Variants in MAN1A2 observed in about 807,000 individuals in gnomAD.
MAN1A2 encodes mannosyl-oligosaccharide 1,2-alpha-mannosidase IB.
A neutral mutation model predicts 75.7 loss-of-function variants in MAN1A2; 26 were observed. That is an observed-to-expected ratio of 0.34 (90% CI 0.25 to 0.48). The LOEUF is 0.48. Ranked by LOEUF, MAN1A2 falls within the 20% of genes least tolerant of loss-of-function variation. The pLI, the probability that MAN1A2 is intolerant of heterozygous loss-of-function variation, is 0.99. For missense variants in MAN1A2, 562 were observed against 775.5 expected (o/e 0.72, Z 3.27); for synonymous variants, 247 against 264.6 (o/e 0.93, Z 0.65).
chr1:117,393,815 C>T (rs1653814357), intron 1 of MAN1A2, among the ~76,000 whole-genome samples: 1 of 152,020 alleles, frequency 6.6e-6, no homozygotes, highest in African/African-American at 2.4e-5. Context: ...AGAAGATGGT[C>T]TAGAAATCTT....
intron 5 of MAN1A2, among the ~76,000 whole-genome samples, chr1:117,428,457 G>A (rs1413376010): frequency 1.3e-5 from 2 of 151,588 alleles, no homozygotes; most frequent in Non-Finnish European, 2.9e-5. Context: ...AAGGAATAGA[G>A]GACAACAACA....
rs12074856 is a variant in MAN1A2 at position 117,412,032 on chromosome 1, A to C, written c.656-2681A>C. ...AATTCGATTTTTTTCCGCCAATGAT[A>C]TAAAGAATTTACAAATTGAATTTTA... On this transcript the variant is annotated intron_variant, in intron 3 of 12. Coordinates refer to ENST00000356554, the MANE Select transcript of MAN1A2 (RefSeq NM_006699.5). Among the ~76,000 whole-genome samples, 586 of 151,972 alleles carry C rather than the reference A, an allele frequency of 3.9e-3. 7 individuals carry two copies. The highest frequency in any genetic ancestry group is 0.013 in the African/African-American group (557 of 41,538).
At chr1:117,478,349 C>A (rs1650386000) in intron 8 of MAN1A2, among the ~76,000 whole-genome samples, 1 of 151,806 alleles carries the variant, frequency 6.6e-6, no homozygotes, top group African/African-American at 2.4e-5. Context: ...CAGATATATT[C>A]TTGGAAGGTA....
intron 4 of MAN1A2, among the ~76,000 whole-genome samples, chr1:117,417,865 A>G (rs1040938986): frequency 2.6e-5 from 4 of 151,942 alleles, no homozygotes; most frequent in Admixed American, 2.6e-4. Context: ...AGGTTGAGGC[A>G]GGAGGATCGC....
At chr1:117,445,860 ATG>A (rs1557953804) in intron 6 of MAN1A2, among the ~76,000 whole-genome samples, 1 of 60,822 alleles carries the variant, frequency 1.6e-5, no homozygotes, top group Non-Finnish European at 3.1e-5. Flanking sequence ...GTGTGTGTGT[ATG>A]TGTGTGTGTG....
At chr1:117,430,062 C>T (rs1217325766) in intron 5 of MAN1A2, among the ~76,000 whole-genome samples, 7 of 29,486 alleles carry the variant, frequency 2.4e-4, no homozygotes, top group Admixed American at 4.8e-4. Flanking sequence ...CCGGACGGGG[C>T]GGCTGGCTGG....
Position 117,442,274 on chromosome 1 carries a change from C to G in MAN1A2, c.899C>G (p.Pro300Arg). 1.2e-6 allele frequency: 2 copies of G among 1,612,496 alleles called. No individual in the cohort carries two copies. Among genetic ancestry groups the G allele is most frequent in the Non-Finnish European group, 1.7e-6 (2 of 1,178,600 alleles). ...GTGCAATTGGCTGAGAAACTCCTTC[C>G]TGCCTTTAACACACCTACTGGGATT... ...KAVQLAEKLL[P>R]AFNTPTGIPW... is the part of the protein sequence containing the mutation. Residue 300 changes from proline to arginine, a missense_variant, in exon 6 of 13, where the codon CCT becomes CGT. This residue lies in a region of MAN1A2 where 434 missense variants were observed against 645.7 expected (regional missense o/e 0.67). Transcript: ENST00000356554.
Position 117,368,325 on chromosome 1 carries a change from A to C in MAN1A2, c.142A>C (p.Thr48Pro). ...TCTCCTTATTCTTAGTGCCTTCATC[A>C]CTCTGTGTTTTGGGGCATTCTTTTT... is the stretch of plus-strand genomic sequence containing the variant. Reference protein sequence around the residue: ...ILLLILSAFITLCFGAFFFLP... With the variant: ...ILLLILSAFIPLCFGAFFFLP... The change falls in exon 1 of 13, where the codon ACT becomes CCT. Residue 48 changes from threonine (T) to proline (P), a missense_variant. Transcript: ENST00000356554. 2 of 1,613,886 alleles carry C rather than the reference A, an allele frequency of 1.2e-6. No homozygotes were observed. The highest frequency in any genetic ancestry group is 1.7e-6 in the Non-Finnish European group (2 of 1,179,968).
At chr1:117,520,041 T>C (rs1651825421) in intron 12 of MAN1A2, among the ~76,000 whole-genome samples, 1 of 152,054 alleles carries the variant, frequency 6.6e-6, no homozygotes, top group Non-Finnish European at 1.5e-5. Context: ...AGTCAATAAA[T>C]GTGATATCCC....
At chr1:117,471,999 A>T (rs1179957215) in intron 8 of MAN1A2, among the ~76,000 whole-genome samples, 2 of 151,968 alleles carry the variant, frequency 1.3e-5, no homozygotes, top group Admixed American at 1.3e-4. Context: ...GCAGAAGGAC[A>T]TACTAGAAAG....
chr1:117,489,160 T>C (rs1019113469), intron 8 of MAN1A2, among the ~76,000 whole-genome samples: 3 of 152,054 alleles, frequency 2.0e-5, no homozygotes, highest in Non-Finnish European at 2.9e-5. Context: ...CCCTAAACAT[T>C]TCAGGTTATC....
At chr1:117,427,295 A>G (rs1648407381) in intron 5 of MAN1A2, among the ~76,000 whole-genome samples, 3 of 152,194 alleles carry the variant, frequency 2.0e-5, no homozygotes, top group Admixed American at 6.5e-5. Flanking sequence ...TGAAATGACC[A>G]AATAGATGAA....
At chr1:117,468,668 G>A (rs578188288) in intron 8 of MAN1A2, among the ~76,000 whole-genome samples, 6 of 152,146 alleles carry the variant, frequency 3.9e-5, no homozygotes, top group Non-Finnish European at 8.8e-5. Context: ...ATTGGACAGG[G>A]CAGTTTTTAA....
chr1:117,433,391 T>G (rs1055536210), intron 5 of MAN1A2, among the ~76,000 whole-genome samples: 8 of 152,188 alleles, frequency 5.3e-5, no homozygotes, highest in African/African-American at 1.9e-4. Flanking sequence ...TAATTATTAT[T>G]TTTCATTCTG....
chr1:117,442,229 A>T lies in MAN1A2; in HGVS notation c.856-2A>T. The T allele has an allele frequency of 6.4e-7, 1 of 1,557,344 alleles. No individual in the cohort carries two copies. Among genetic ancestry groups the T allele is most frequent in the South Asian group, 1.1e-5 (1 of 89,946 alleles). On this transcript the variant is annotated splice_acceptor_variant, in intron 5 of 12. Transcript: ENST00000356554. LOFTEE classifies it high-confidence loss of function. Reference sequence around the variant, plus strand: ...TATGAATATTCATGTTTTAAATCTCAGATATTCAAGATTAAAGCAGTGCAA... The same window carrying T: ...TATGAATATTCATGTTTTAAATCTCTGATATTCAAGATTAAAGCAGTGCAA...
chr1:117,508,379 C>T (rs914984859), intron 12 of MAN1A2, among the ~76,000 whole-genome samples: 3 of 151,542 alleles, frequency 2.0e-5, no homozygotes, highest in African/African-American at 7.3e-5. Context: ...AAATTTATCA[C>T]CACAGTATGT....
intron 8 of MAN1A2, among the ~76,000 whole-genome samples, chr1:117,476,341 T>C (rs1364749510): frequency 6.6e-6 from 1 of 152,192 alleles, no homozygotes; most frequent in Non-Finnish European, 1.5e-5. Context: ...TCTTTTGCTG[T>C]GCAGAAGCTC....
At chr1:117,511,482 AT>A (rs893923645) in intron 12 of MAN1A2, among the ~76,000 whole-genome samples, 38 of 147,524 alleles carry the variant, frequency 2.6e-4, no homozygotes, top group African/African-American at 5.2e-4. Context: ...GCCTAGATGG[AT>A]TTTTTTTTTT....
intron 1 of MAN1A2, among the ~76,000 whole-genome samples, chr1:117,371,114 C>G (rs1397353861): frequency 6.6e-6 from 1 of 151,974 alleles, no homozygotes; most frequent in Non-Finnish European, 1.5e-5. Flanking sequence ...AGTAAATGAT[C>G]AATAAATGTT....
Sources: allele counts gnomAD v4.1 joint callset (sites outside exome capture counted in the v4.1 genomes callset), GRCh38; gene constraint gnomAD v4.1.1; regional missense constraint gnomAD v4.1.1; transcripts MANE v1.5; gene names NCBI Gene and HGNC (gene_info 2026-07-23, HGNC 2026-07-21).